The following WWOX variants were observed in gnomAD, a reference collection of about 807,000 sequenced individuals.
The protein encoded by WWOX is WW domain containing oxidoreductase.
In WWOX, 69 loss-of-function variants were observed where a neutral mutation model predicts 46.2. That is an observed-to-expected ratio of 1.49 (90% CI 1.23 to 1.82). WWOX has a LOEUF of 1.82. Ranked by LOEUF, WWOX falls within the 40% of genes most tolerant of loss-of-function variation. The probability of loss-of-function intolerance (pLI) is 0.00; values close to 1 mark genes in which losing one functional copy is unlikely to be tolerated. For missense variants in WWOX, 919 were observed against 542.6 expected (o/e 1.69, Z -6.89); for synonymous variants, 359 against 202.6 (o/e 1.77, Z -6.56).
Position 79,044,820 on chromosome 16 carries a change from C to G in WWOX, c.1057-166788C>G, listed in dbSNP as rs375779603. Among the ~76,000 whole-genome samples, 21 of 151,556 alleles carry G rather than the reference C, an allele frequency of 1.4e-4. No individual in the cohort carries two copies. The East Asian group carries it at 2.7e-3, about 20-fold the overall frequency. ...GATCTTAAAGTCCAACCTCAAGGCC[C>G]AGCGCTGCCACTTAACAGCTCTGTG... On this transcript the variant is annotated intron_variant, in intron 8 of 8. Transcript: ENST00000566780.
At chr16:78,596,764 G>T (rs1415652837) in intron 8 of WWOX, among the ~76,000 whole-genome samples, 1 of 152,044 alleles carries the variant, frequency 6.6e-6, no homozygotes, top group Non-Finnish European at 1.5e-5. Context: ...TGCATGGTGA[G>T]TACACAGCCA....
chr16:79,076,636 C>T (rs1015541939), intron 8 of WWOX, among the ~76,000 whole-genome samples: 2 of 152,184 alleles, frequency 1.3e-5, no homozygotes, highest in African/African-American at 4.8e-5. Context: ...CCTACCACAG[C>T]TAGGTAGGCG....
chr16:78,695,485 T>G (rs1243138117), intron 8 of WWOX, among the ~76,000 whole-genome samples: 1 of 152,134 alleles, frequency 6.6e-6, no homozygotes, highest in East Asian at 1.9e-4. Flanking sequence ...ATGATAGAAG[T>G]AGGTCATGGG....
intron 8 of WWOX, among the ~76,000 whole-genome samples, chr16:78,861,202 G>A (rs187344268): frequency 6.6e-6 from 1 of 151,604 alleles, no homozygotes; most frequent in Admixed American, 6.6e-5. Context: ...TTCCTTCTCT[G>A]TTGAAGGCCT....
At chr16:78,706,915 G>A (rs887767744) in intron 8 of WWOX, among the ~76,000 whole-genome samples, 10 of 152,070 alleles carry the variant, frequency 6.6e-5, no homozygotes, top group African/African-American at 2.2e-4. Flanking sequence ...TTCCCGCCTC[G>A]GCCTCCCAAA....
chr16:79,123,733 G>T (rs1391863861), intron 8 of WWOX, among the ~76,000 whole-genome samples: 1 of 152,110 alleles, frequency 6.6e-6, no homozygotes, highest in Non-Finnish European at 1.5e-5. Context: ...TGTGAGTGGG[G>T]TGAAATAATG....
chr16:78,741,133 A>T (rs1449316810), intron 8 of WWOX, among the ~76,000 whole-genome samples: 1 of 152,320 alleles, frequency 6.6e-6, no homozygotes, highest in East Asian at 1.9e-4. Flanking sequence ...GCCTAGCGCC[A>T]CTTCACACTG....
chr16:78,277,023 C>A (rs1466091071), intron 5 of WWOX, among the ~76,000 whole-genome samples: 3 of 152,180 alleles, frequency 2.0e-5, no homozygotes, highest in Non-Finnish European at 4.4e-5. Context: ...CTGTGGGAAA[C>A]TTACTCTAGT....
intron 7 of WWOX, among the ~76,000 whole-genome samples, chr16:78,425,990 C>T (rs1347113133): frequency 6.6e-6 from 1 of 152,118 alleles, no homozygotes. Context: ...AGAGACCAGC[C>T]AAGGGTTAGC....
chr16:79,151,146 C>T (rs1206517777), intron 8 of WWOX, among the ~76,000 whole-genome samples: 1 of 152,188 alleles, frequency 6.6e-6, no homozygotes, highest in African/African-American at 2.4e-5. Context: ...AGAAAATTCC[C>T]CTCCTGCTTT....
chr16:78,144,521 ATATTTTT>A (rs1443450982), intron 4 of WWOX, among the ~76,000 whole-genome samples: 16 of 24,344 alleles, frequency 6.6e-4, no homozygotes, highest in South Asian at 4.8e-3. Context: ...ATATATATAT[ATATTTTT>A]TTTTTTTTTT....
At chr16:78,883,085 G>A (rs2044378211) in intron 8 of WWOX, among the ~76,000 whole-genome samples, 1 of 152,218 alleles carries the variant, frequency 6.6e-6, no homozygotes. Flanking sequence ...GTGGGCCCAG[G>A]GTCCAGAAAA....
intron 8 of WWOX, among the ~76,000 whole-genome samples, chr16:78,814,712 G>A (rs2051285760): frequency 6.6e-6 from 1 of 152,188 alleles, no homozygotes; most frequent in African/African-American, 2.4e-5. Flanking sequence ...TATTTTGGGG[G>A]AAAAAGTTCT....
chr16:78,193,356 C>T lies in WWOX; in HGVS notation c.516+29067C>T, dbSNP rs546063036. On this transcript the variant is annotated intron_variant, in intron 5 of 8. Transcript: ENST00000566780. ...TTCACAAATTTGTTTAATGTTTTAT[C>T]TCAAGCTCCCAGAAGTAGCTAAAAC... Among the ~76,000 whole-genome samples the T allele has an allele frequency of 7.9e-5, 12 of 152,286 alleles. No homozygotes were observed. In the South Asian group the frequency reaches 1.5e-3, roughly 18 times the overall value.
At chr16:79,039,303 C>T (rs1170881886) in intron 8 of WWOX, among the ~76,000 whole-genome samples, 1 of 152,048 alleles carries the variant, frequency 6.6e-6, no homozygotes, top group South Asian at 2.1e-4. Flanking sequence ...TGGATTGCCT[C>T]CTCTCCTGCC....
At chr16:78,729,533 G>C (rs985127560) in intron 8 of WWOX, among the ~76,000 whole-genome samples, 2 of 151,994 alleles carry the variant, frequency 1.3e-5, no homozygotes, top group Non-Finnish European at 2.9e-5. Flanking sequence ...AAAGGCAGAG[G>C]GTGAAGTTGT....
intron 8 of WWOX, among the ~76,000 whole-genome samples, chr16:79,141,743 A>G (rs1042911860): frequency 1.3e-5 from 2 of 152,068 alleles, no homozygotes; most frequent in African/African-American, 4.8e-5. Flanking sequence ...ACGGAGGGCC[A>G]GAAGGAAGCA....
At chr16:78,155,735 C>A (rs1426255081) in intron 4 of WWOX, among the ~76,000 whole-genome samples, 1 of 152,086 alleles carries the variant, frequency 6.6e-6, no homozygotes, top group Non-Finnish European at 1.5e-5. Context: ...AAACCATTGC[C>A]TTCATTATTT....
intron 8 of WWOX, among the ~76,000 whole-genome samples, chr16:79,133,192 T>G (rs1022343529): frequency 8.5e-5 from 13 of 152,212 alleles, no homozygotes; most frequent in Admixed American, 3.3e-4. Context: ...ATTAAGCGAG[T>G]GAAGTCATAC....
Sources: allele counts gnomAD v4.1 joint callset (sites outside exome capture counted in the v4.1 genomes callset), GRCh38; gene constraint gnomAD v4.1.1; transcripts MANE v1.5; gene names NCBI Gene and HGNC (gene_info 2026-07-23, HGNC 2026-07-21).